Variants in ANK3 observed in about 807,000 individuals in gnomAD.
ANK3 encodes the protein ankyrin-3.
A neutral mutation model predicts 370.9 loss-of-function variants in ANK3; 57 were observed. That is an observed-to-expected ratio of 0.15 (90% CI 0.12 to 0.19). ANK3 has a LOEUF of 0.19. Among genes scored for constraint, ANK3 ranks in the 10% least tolerant of loss-of-function variants. The probability of loss-of-function intolerance (pLI) is 1.00; values close to 1 mark genes in which losing one functional copy is unlikely to be tolerated. For synonymous variants in ANK3, 1,929 were observed against 1,946.3 expected, an observed-to-expected ratio of 0.99 and a Z score of 0.23; for missense variants, 4,439 against 5,302.1, an observed-to-expected ratio of 0.84 and a Z score of 5.06.
chr10:60,076,495 A>T (rs1428028387), intron 36 of ANK3, 47 bp from the exon 37 acceptor site: 1 of 1,523,172 alleles, frequency 6.6e-7, no homozygotes, highest in South Asian at 1.3e-5. Flanking sequence ...AATCAACAAA[A>T]ATGGTTGAGA....
chr10:60,347,316 A>T (rs918400142), intron 1 of ANK3, among the ~76,000 whole-genome samples: 4 of 151,922 alleles, frequency 2.6e-5, no homozygotes, highest in Non-Finnish European at 5.9e-5. Flanking sequence ...AACTCTTTGC[A>T]TGCTGAAAAG....
At position 60,154,848 on chromosome 10, in the gene ANK3, C is replaced by T. The variant is rs143070763; in HGVS notation, c.2614+11743G>A. ...TGTTTATTCTTTCCTAACGAGAATA[C>T]ACTGATACGTTTACTAAAACTACTG... On this transcript the variant is annotated intron_variant, in intron 23 of 43. Coordinates refer to ENST00000280772, the MANE Select transcript of ANK3 (RefSeq NM_020987.5). 9.8e-3 allele frequency among the ~76,000 whole-genome samples: 1,450 copies of T among 148,380 alleles called. 19 individuals are homozygous for T. Among genetic ancestry groups the T allele is most frequent in the African/African-American group, 0.034 (1,350 of 39,720 alleles).
intron 2 of ANK3, among the ~76,000 whole-genome samples, chr10:60,460,210 AAT>A (rs998789022): frequency 1.3e-5 from 2 of 152,154 alleles, no homozygotes; most frequent in African/African-American, 4.8e-5. Context: ...CTAAGCTGCT[AAT>A]ATATAGGGAA....
chr10:60,401,779 T>A (rs1456639241), intron 2 of ANK3, among the ~76,000 whole-genome samples: 1 of 152,142 alleles, frequency 6.6e-6, no homozygotes, highest in Non-Finnish European at 1.5e-5. Context: ...TGCCTCCAAT[T>A]TTTTTTATGA....
At chr10:60,572,382 C>T in intron 2 of ANK3, 1 of 1,350,648 alleles carries the variant, frequency 7.4e-7, no homozygotes. Context: ...TAAAGCCAAT[C>T]TCTTAAAAAT....
rs1397777335 is a variant in ANK3 at position 60,027,886 on chromosome 10, C to G, written c.*1960G>C. 6.6e-6 allele frequency: 1 copy of G among 152,204 alleles called. No homozygotes were observed. Among genetic ancestry groups the G allele is most frequent in the Non-Finnish European group, 1.5e-5 (1 of 68,040 alleles). 9.4% of individuals were successfully genotyped at this position (152,204 alleles called of 1,614,324 possible). On this transcript the variant is annotated 3_prime_UTR_variant, in exon 44 of 44. Transcript: ENST00000280772. ...TGATACCTGTAGACCCCACACCTGG[C>G]TGGAGAGGGCAGGGACAACTTGGCT...
At chr10:60,468,585 G>T (rs2065064154) in intron 2 of ANK3, among the ~76,000 whole-genome samples, 1 of 151,830 alleles carries the variant, frequency 6.6e-6, no homozygotes, top group South Asian at 2.1e-4. Flanking sequence ...CCAATCTCTT[G>T]TTTACCATGA....
At chr10:60,427,765 A>G (rs1366643339) in intron 2 of ANK3, among the ~76,000 whole-genome samples, 1 of 152,164 alleles carries the variant, frequency 6.6e-6, no homozygotes, top group Non-Finnish European at 1.5e-5. Context: ...ATGCCATCCA[A>G]TCTTCATGCA....
At position 60,149,153 on chromosome 10, in the gene ANK3, G is replaced by A. The variant is rs146822561; in HGVS notation, c.2615-10066C>T. Among the ~76,000 whole-genome samples the A allele has an allele frequency of 5.7e-3, 861 of 152,280 alleles. 5 individuals carry two copies. Among genetic ancestry groups the A allele is most frequent in the Non-Finnish European group, 8.9e-3 (607 of 68,022 alleles). On this transcript the variant is annotated intron_variant, in intron 23 of 43. Coordinates refer to ENST00000280772, the MANE Select transcript of ANK3 (RefSeq NM_020987.5). Reference sequence around the variant, plus strand: ...CTTCCAACCTATACCCCAGAGATGTGTACACACAAGGCAAAGACACATGAG... The same window carrying A: ...CTTCCAACCTATACCCCAGAGATGTATACACACAAGGCAAAGACACATGAG...
intron 7 of ANK3, among the ~76,000 whole-genome samples, chr10:60,245,094 G>A (rs546844063): frequency 8.6e-4 from 131 of 152,220 alleles, no homozygotes; most frequent in South Asian, 2.7e-3. Context: ...GCGTGAACCC[G>A]GGAGGCCGAG....
chr10:60,317,963 G>A (rs1462466043), intron 1 of ANK3, among the ~76,000 whole-genome samples: 6 of 151,790 alleles, frequency 4.0e-5, no homozygotes, highest in African/African-American at 1.2e-4. Flanking sequence ...TGATCAGCCC[G>A]CCTCGGCCTT....
At chr10:60,706,074 T>C (rs888932285) in intron 1 of ANK3, among the ~76,000 whole-genome samples, 2 of 152,156 alleles carry the variant, frequency 1.3e-5, no homozygotes, top group Admixed American at 6.5e-5. Flanking sequence ...TCAGCTCGCC[T>C]TGGTGTCCCA....
chr10:60,488,671 T>C (rs550700351), intron 2 of ANK3, among the ~76,000 whole-genome samples: 7 of 152,342 alleles, frequency 4.6e-5, no homozygotes, highest in Admixed American at 3.3e-4. Flanking sequence ...AATCATATGA[T>C]ATATTGGCCT....
chr10:60,529,078 C>G (rs2133196830), intron 2 of ANK3, among the ~76,000 whole-genome samples: 2 of 152,204 alleles, frequency 1.3e-5, no homozygotes, highest in Admixed American at 1.3e-4. Flanking sequence ...TCAAAGGATA[C>G]TCACGACAGT....
Position 60,070,294 on chromosome 10 carries a change from G to A in ANK3, c.10587C>T (p.Ala3529=). Residue 3529 remains alanine (A), a synonymous_variant, in exon 37 of 44, where the codon GCC becomes GCT. Coordinates refer to ENST00000280772, the MANE Select transcript of ANK3 (RefSeq NM_020987.5). This position sits in a 1 kb window ranked among gnomAD's most constrained non-coding sequence, Gnocchi z 5.7. ...YFSYKVDEEF[A]TPFKTVATKG... ...TGGTAGCTACTGTTTTAAAAGGAGTGGCAAATTCTTCATCTACTTTGTAAC... is the reference window on the plus strand; with the variant it reads ...TGGTAGCTACTGTTTTAAAAGGAGTAGCAAATTCTTCATCTACTTTGTAAC... 6.2e-7 allele frequency: 1 copy of A among 1,614,088 alleles called. No individual in the cohort carries two copies. The highest frequency in any genetic ancestry group is 1.7e-5 in the Admixed American group (1 of 60,008).
chr10:60,572,565 C>T (rs1317719112), intron 2 of ANK3: 1 of 1,529,634 alleles, frequency 6.5e-7, no homozygotes, highest in Admixed American at 2.0e-5. Context: ...AAAGACAGAT[C>T]ACCGCCGGTA....
Position 60,081,971 on chromosome 10 carries a change from T to C in ANK3, c.4350+179A>G, listed in dbSNP as rs1318669215. The C allele has an allele frequency of 1.5e-5, 7 of 458,848 alleles. No homozygotes were observed. In the East Asian group the frequency reaches 2.0e-4, roughly 13 times the overall value. 28.4% of individuals were successfully genotyped at this position (458,848 alleles called of 1,614,324 possible). A position where few individuals can be genotyped will look rare whatever the true frequency, so the allele number is the denominator to read the frequency against. On this transcript the variant is annotated intron_variant, in intron 35 of 43. Transcript: ENST00000280772. ...TTTCGTTGAATATATTTAAGTACTC[T>C]TAAGTACGTGTGGAAGAAGAGTGAA...
intron 2 of ANK3, among the ~76,000 whole-genome samples, chr10:60,597,664 AT>A (rs1274238047): frequency 2.0e-5 from 3 of 152,188 alleles, no homozygotes; most frequent in Non-Finnish European, 4.4e-5. Context: ...ATGCCATAGA[AT>A]TTCTCAAGAG....
At chr10:60,056,088 G>A (rs1196512462) in intron 41 of ANK3, 52 bp from the exon 42 acceptor site, 1 of 1,535,702 alleles carries the variant, frequency 6.5e-7, no homozygotes. Flanking sequence ...CTGAATATAG[G>A]TTGCAGAAAC....
Sources: gnomAD v4.1 joint callset for allele counts (sites outside exome capture counted in the v4.1 genomes callset) on GRCh38, gnomAD v4.1.1 for gene constraint, Gnocchi (gnomAD v3.1) non-coding constraint, MANE v1.5 for transcripts, NCBI Gene and HGNC (gene_info 2026-07-23, HGNC 2026-07-21) for gene names.